The following MIEF1 variants were observed in gnomAD, a reference collection of about 807,000 sequenced individuals.
MIEF1 encodes the protein mitochondrial dynamics protein MIEF1.
MIEF1 carries 14 observed loss-of-function variants against 35.1 expected under a neutral mutation model. That is an observed-to-expected ratio of 0.40 (90% CI 0.26 to 0.62). MIEF1 has a LOEUF of 0.62. Among genes scored for constraint, MIEF1 ranks in the 20% least tolerant of loss-of-function variants. The probability of loss-of-function intolerance (pLI) is 0.43; values close to 1 mark genes in which losing one functional copy is unlikely to be tolerated. For missense variants in MIEF1, 542 were observed against 615.4 expected, an observed-to-expected ratio of 0.88 and a Z score of 1.26; for synonymous variants, 245 against 254.3, an observed-to-expected ratio of 0.96 and a Z score of 0.35.
Position 39,515,538 on chromosome 22 carries a change from G to A in MIEF1, c.*1215G>A, listed in dbSNP as rs1930617363. 5 of 589,548 alleles carry A rather than the reference G, an allele frequency of 8.5e-6. No homozygotes were observed. The highest frequency in any genetic ancestry group is 1.5e-5 in the Non-Finnish European group (5 of 330,992). 36.5% of individuals were successfully genotyped at this position (589,548 alleles called of 1,614,324 possible). A position where few individuals can be genotyped will look rare whatever the true frequency, so the allele number is the denominator to read the frequency against. ...CTGTCCTGTTTCTCACCCAGCACCT[G>A]GGGAGATCGGTGCTACCAAGGAAGA... On this transcript the variant is annotated 3_prime_UTR_variant, in exon 6 of 6. Transcript: ENST00000325301.
Position 39,516,347 on chromosome 22 carries a change from G to C in MIEF1, c.*2024G>C, listed in dbSNP as rs1382047193. 6.6e-6 allele frequency: 1 copy of C among 152,138 alleles called. No homozygotes were observed. 9.4% of individuals were successfully genotyped at this position (152,138 alleles called of 1,614,324 possible). A position where few individuals can be genotyped will look rare whatever the true frequency, so the allele number is the denominator to read the frequency against. On this transcript the variant is annotated 3_prime_UTR_variant, in exon 6 of 6. Transcript: ENST00000325301. ...TTGAGATAAAGGATTTGGTTTCCCTGCCATGAGTATTAAAAAAATTTAAGT... is the reference window on the plus strand; with the variant it reads ...TTGAGATAAAGGATTTGGTTTCCCTCCCATGAGTATTAAAAAAATTTAAGT...
In MIEF1 at chr22:39,517,714, T is replaced by C; in HGVS notation, c.*3391T>C. 1 of 450,146 alleles carries C rather than the reference T, an allele frequency of 2.2e-6. No homozygotes were observed. The highest frequency in any genetic ancestry group is 1.6e-5 in the South Asian group (1 of 61,136). The allele number at this position is 450,146 out of a possible 1,614,324, so 27.9% of individuals were successfully genotyped here. A position where few individuals can be genotyped will look rare whatever the true frequency, so the allele number is the denominator to read the frequency against. On this transcript the variant is annotated 3_prime_UTR_variant, in exon 6 of 6. Coordinates refer to ENST00000325301, the MANE Select transcript of MIEF1 (RefSeq NM_019008.6). Reference sequence around the variant, plus strand: ...AGGCCAAGGAGAATGATAGGAGACTTAGGACAGAGCTGACCCTTGCACCAG... The same window carrying C: ...AGGCCAAGGAGAATGATAGGAGACTCAGGACAGAGCTGACCCTTGCACCAG...
rs55816113 is a variant in MIEF1 at position 39,512,147 on chromosome 22, C to T, written c.323-85C>T. On this transcript the variant is annotated intron_variant, in intron 4 of 5. Coordinates refer to ENST00000325301, the MANE Select transcript of MIEF1 (RefSeq NM_019008.6). ...CTGTGCCAGCACTTGCCCTCCATGC[C>T]AGGCCCTTCTTTCTGGGGCTGAGGC... 4.2e-5 allele frequency: 65 copies of T among 1,562,732 alleles called. 1 individual carries two copies. The highest frequency in any genetic ancestry group is 5.4e-5 in the Non-Finnish European group (63 of 1,157,900).
At chr22:39,511,050 C>T (rs763788946) in intron 2 of MIEF1, among the ~76,000 whole-genome samples, 4 of 152,228 alleles carry the variant, frequency 2.6e-5, no homozygotes, top group Non-Finnish European at 5.9e-5. Flanking sequence ...TTCTTAATCT[C>T]ACTAGCTTGG....
Position 39,515,460 on chromosome 22 carries a change from G to A in MIEF1, c.*1137G>A, listed in dbSNP as rs184750464. 2 of 660,050 alleles carry A rather than the reference G, an allele frequency of 3.0e-6. No homozygotes were observed. Among genetic ancestry groups the A allele is most frequent in the African/African-American group, 1.8e-5 (1 of 55,804 alleles). The allele number at this position is 660,050 out of a possible 1,614,324, so 40.9% of individuals were successfully genotyped here. A position where few individuals can be genotyped will look rare whatever the true frequency, so the allele number is the denominator to read the frequency against. On this transcript the variant is annotated 3_prime_UTR_variant, in exon 6 of 6. Transcript: ENST00000325301. ...TAGGAATGTGAGAGGGGTGTTTGCTGAGCGCTCCGGGCACGGCCAGAGGGC... is the reference window on the plus strand; with the variant it reads ...TAGGAATGTGAGAGGGGTGTTTGCTAAGCGCTCCGGGCACGGCCAGAGGGC...
At position 39,514,509 on chromosome 22, in the gene MIEF1, C is replaced by T; in HGVS notation, c.*186C>T. ...CTCCTATTTTGTTACCCAACTCTTCCTATTTTTGTTACCAATCACTGTGCT... is the reference window on the plus strand; with the variant it reads ...CTCCTATTTTGTTACCCAACTCTTCTTATTTTTGTTACCAATCACTGTGCT... On this transcript the variant is annotated 3_prime_UTR_variant, in exon 6 of 6. Coordinates refer to ENST00000325301, the MANE Select transcript of MIEF1 (RefSeq NM_019008.6). 1 of 636,160 alleles carries T rather than the reference C, an allele frequency of 1.6e-6. No homozygotes were observed. 39.4% of individuals were successfully genotyped at this position (636,160 alleles called of 1,614,324 possible).
rs1459515599 is a variant in MIEF1, at chr22:39,511,308, G to A, written c.14G>A (p.Gly5Asp). The A allele has an allele frequency of 6.2e-7, 1 of 1,613,608 alleles. No individual in the cohort carries two copies. The highest frequency in any genetic ancestry group is 2.2e-5 in the East Asian group (1 of 44,864). The change falls in exon 3 of 6, where the codon GGT (glycine) becomes GAT (aspartate). Residue 5 changes from glycine to aspartate, a missense_variant. By Grantham distance (94) the Gly-to-Asp change is moderately conservative. Transcript: ENST00000325301. ...CTCAGATGAGCAATGGCAGGCGCTGGTGAGCGCAAAGGCAAGAAGGATGAC... is the reference window on the plus strand; with the variant it reads ...CTCAGATGAGCAATGGCAGGCGCTGATGAGCGCAAAGGCAAGAAGGATGAC... MAGAGERKGKKDDNG... is the reference protein window; with the variant it reads MAGADERKGKKDDNG...
In MIEF1 at chr22:39,502,328, G is replaced by C. The variant is rs1029104866; in HGVS notation, c.-449G>C. Reference sequence around the variant, plus strand: ...CTCCCTTCAGCCCCTTCGCAGCTCCGTGCGCAAGGTCGTGTCCCGGAAGTG... The same window carrying C: ...CTCCCTTCAGCCCCTTCGCAGCTCCCTGCGCAAGGTCGTGTCCCGGAAGTG... On this transcript the variant is annotated 5_prime_UTR_variant, in exon 1 of 6. Coordinates refer to ENST00000325301, the MANE Select transcript of MIEF1 (RefSeq NM_019008.6). The C allele has an allele frequency of 1.8e-4, 27 of 152,414 alleles. No homozygotes were observed. The highest frequency in any genetic ancestry group is 6.5e-4 in the African/African-American group (27 of 41,586). The allele number at this position is 152,414 out of a possible 1,614,324, so 9.4% of individuals were successfully genotyped here. A position where few individuals can be genotyped will look rare whatever the true frequency, so the allele number is the denominator to read the frequency against.
At chr22:39,500,609 A>T (rs1158523643), upstream of MIEF1, 1 of 151,756 alleles carries the variant, frequency 6.6e-6, no homozygotes, top group Non-Finnish European at 1.5e-5. Flanking sequence ...AGTAAGACAG[A>T]CTTGGCTTCC....
chr22:39,511,482 G>A (rs762147572), intron 3 of MIEF1, 44 bp downstream of exon 3: 18 of 1,492,984 alleles, frequency 1.2e-5, no homozygotes, highest in Admixed American at 2.6e-5. Context: ...GTAGTGGTAT[G>A]GTCATAAGAT....
chr22:39,501,270 G>T (rs1929686754), upstream of MIEF1, among the ~76,000 whole-genome samples: 1 of 152,180 alleles, frequency 6.6e-6, no homozygotes, highest in Non-Finnish European at 1.5e-5. Context: ...TTACCTGGGG[G>T]GAGGCCTGAA....
chr22:39,509,006 T>G (rs1278756315), intron 2 of MIEF1, among the ~76,000 whole-genome samples: 1 of 152,180 alleles, frequency 6.6e-6, no homozygotes, highest in Non-Finnish European at 1.5e-5. Context: ...TCCTTTTTTT[T>G]TTTTCTTCAA....
intron 5 of MIEF1, among the ~76,000 whole-genome samples, chr22:39,513,302 C>T (rs1456750050): frequency 6.6e-6 from 1 of 152,088 alleles, no homozygotes; most frequent in Non-Finnish European, 1.5e-5. Context: ...TGGGGTTTCA[C>T]CATGTTGGCC....
chr22:39,509,991 T>G (rs1448750021), intron 2 of MIEF1, among the ~76,000 whole-genome samples: 1 of 152,174 alleles, frequency 6.6e-6, no homozygotes, highest in Non-Finnish European at 1.5e-5. Context: ...GGAGTTTAGC[T>G]CTTGTTACCC....
intron 2 of MIEF1, 87 bp from the exon 3 acceptor site, chr22:39,511,201 C>T: frequency 6.4e-7 from 1 of 1,568,792 alleles, no homozygotes; most frequent in Non-Finnish European, 8.7e-7. Context: ...TCACAGAGTA[C>T]CCTGTACTTG....
intron 2 of MIEF1, 81 bp from the exon 3 acceptor site, chr22:39,511,207 A>G: frequency 6.3e-7 from 1 of 1,580,714 alleles, no homozygotes; most frequent in Non-Finnish European, 8.6e-7. Context: ...AGTACCCTGT[A>G]CTTGTTGGGG....
intron 2 of MIEF1, among the ~76,000 whole-genome samples, chr22:39,506,147 A>G (rs949699732): frequency 8.5e-5 from 13 of 152,132 alleles, no homozygotes; most frequent in African/African-American, 2.4e-4. Flanking sequence ...GTTGGGCTAC[A>G]CGCTGCTATC....
In MIEF1 at chr22:39,515,056, G is replaced by C; in HGVS notation, c.*733G>C. On this transcript the variant is annotated 3_prime_UTR_variant, in exon 6 of 6. Coordinates refer to ENST00000325301, the MANE Select transcript of MIEF1 (RefSeq NM_019008.6). ...AATTTCTTGGTGGCTATTAGCAGAA[G>C]TGCAGAGTAGGGAACCAGAGCTGGT... 1.7e-6 allele frequency: 1 copy of C among 581,160 alleles called. No homozygotes were observed. Among genetic ancestry groups the C allele is most frequent in the Non-Finnish European group, 3.1e-6 (1 of 327,816 alleles). 36.0% of individuals were successfully genotyped at this position (581,160 alleles called of 1,614,324 possible).
At chr22:39,512,942 G>A (rs985944221) in intron 5 of MIEF1, among the ~76,000 whole-genome samples, 6 of 152,094 alleles carry the variant, frequency 3.9e-5, no homozygotes, top group Non-Finnish European at 5.9e-5. Context: ...AGCCTGGCCT[G>A]TTATTCTTTA....
Sources: gnomAD v4.1 joint callset for allele counts (sites outside exome capture counted in the v4.1 genomes callset) on GRCh38, gnomAD v4.1.1 for gene constraint, MANE v1.5 for transcripts, NCBI Gene and HGNC (gene_info 2026-07-23, HGNC 2026-07-21) for gene names.